CDH11: variants seen among roughly 807,000 people sequenced by gnomAD.
CDH11 encodes the protein cadherin 11.
A neutral mutation model predicts 67.8 loss-of-function variants in CDH11; 11 were observed. The ratio of observed to expected loss-of-function variants is 0.16; its 90% CI spans 0.10 to 0.27. The LOEUF is 0.27. CDH11 is among the 10% of genes least tolerant of loss of function. The pLI, the probability that CDH11 is intolerant of heterozygous loss-of-function variation, is 1.00. For missense variants in CDH11, 847 were observed against 1,031.2 expected, an observed-to-expected ratio of 0.82 and a Z score of 2.45; for synonymous variants, 419 against 400.0, an observed-to-expected ratio of 1.05 and a Z score of -0.57.
At chr16:65,074,507 A>G (rs1162787363) in intron 1 of CDH11, among the ~76,000 whole-genome samples, 1 of 152,182 alleles carries the variant, frequency 6.6e-6, no homozygotes, top group Non-Finnish European at 1.5e-5. Context: ...TAATTCATAT[A>G]TATATACACA....
chr16:65,036,895 A>G (rs770655780), intron 2 of CDH11, among the ~76,000 whole-genome samples: 3 of 152,184 alleles, frequency 2.0e-5, no homozygotes, highest in Non-Finnish European at 4.4e-5. Flanking sequence ...AAAATAAGAA[A>G]TTTTGAGATG....
At chr16:64,953,161 C>T (rs2071408537) in intron 11 of CDH11, among the ~76,000 whole-genome samples, 2 of 151,858 alleles carry the variant, frequency 1.3e-5, no homozygotes, top group Admixed American at 6.6e-5. Context: ...CTGTTTTTCT[C>T]CCCAAATATA....
intron 12 of CDH11, among the ~76,000 whole-genome samples, chr16:64,948,972 C>T (rs1051293859): frequency 6.6e-6 from 1 of 152,216 alleles, no homozygotes; most frequent in Non-Finnish European, 1.5e-5. Context: ...CCCTCTGGCT[C>T]CACTACTGCT....
chr16:64,947,622 G>C lies in CDH11; in HGVS notation c.2372C>G (p.Thr791Ser), dbSNP rs748938746. ...KLADLYGSKD[T>S]FDDDS ...TTATTGTTAAGAATCGTCATCAAAAGTGTCTTTGGAACCATACAAATCTGC... is the reference window on the plus strand; with the variant it reads ...TTATTGTTAAGAATCGTCATCAAAACTGTCTTTGGAACCATACAAATCTGC... The change falls in exon 13 of 13, where the codon ACT (threonine) becomes AGT (serine). Residue 791 changes from threonine (T) to serine (S), a missense_variant. By Grantham distance (58) the Thr-to-Ser change is moderately conservative. Coordinates refer to ENST00000268603, the MANE Select transcript of CDH11 (RefSeq NM_001797.4). 1.9e-6 allele frequency: 3 copies of C among 1,607,822 alleles called. No homozygotes were observed. The highest frequency in any genetic ancestry group is 1.7e-5 in the Admixed American group (1 of 59,682).
At chr16:65,109,378 A>C (rs1407556703) in intron 1 of CDH11, among the ~76,000 whole-genome samples, 1 of 152,194 alleles carries the variant, frequency 6.6e-6, no homozygotes, top group Admixed American at 6.5e-5. Flanking sequence ...AAGGTGTATC[A>C]GAAAAGTTGT....
chr16:65,115,386 A>C (rs960118928), intron 1 of CDH11, among the ~76,000 whole-genome samples: 1 of 152,128 alleles, frequency 6.6e-6, no homozygotes, highest in African/African-American at 2.4e-5. Flanking sequence ...TCTAAAACAA[A>C]TGTTCAATGC....
chr16:65,123,708 G>A (rs1445359324), upstream of CDH11: 1 of 152,512 alleles, frequency 6.6e-6, no homozygotes, highest in East Asian at 2.0e-4. Flanking sequence ...TTTTCTTGAC[G>A]ACTCCAGGAT....
At chr16:65,007,095 C>G (rs1437075082) in intron 2 of CDH11, 1 of 152,176 alleles carries the variant, frequency 6.6e-6, no homozygotes, top group South Asian at 2.1e-4. Context: ...ATACCATAGC[C>G]ATCTGACCTC....
intron 11 of CDH11, among the ~76,000 whole-genome samples, chr16:64,952,405 A>T (rs938316155): frequency 6.6e-6 from 1 of 152,202 alleles, no homozygotes; most frequent in Non-Finnish European, 1.5e-5. Flanking sequence ...AACACAGCAG[A>T]CATTCAATAA....
chr16:65,064,889 G>A (rs990902014), intron 1 of CDH11, among the ~76,000 whole-genome samples: 3 of 152,326 alleles, frequency 2.0e-5, no homozygotes, highest in Non-Finnish European at 1.5e-5. Flanking sequence ...TGACTGAGAG[G>A]TGAGGAACAC....
chr16:65,027,594 G>A (rs2073559859), intron 2 of CDH11, among the ~76,000 whole-genome samples: 1 of 152,218 alleles, frequency 6.6e-6, no homozygotes, highest in Non-Finnish European at 1.5e-5. Flanking sequence ...CAGAGTTACT[G>A]TAAACCATGA....
At chr16:65,040,088 C>T (rs1433237884) in intron 2 of CDH11, among the ~76,000 whole-genome samples, 14 of 152,284 alleles carry the variant, frequency 9.2e-5, no homozygotes, top group Admixed American at 8.5e-4. Context: ...GAAATAGGAA[C>T]ACTTTTACAC....
chr16:64,997,300 A>AAAATAAAT (rs71143544), intron 4 of CDH11, among the ~76,000 whole-genome samples: 26,518 of 124,842 alleles, frequency 0.21, 3,217 homozygotes, highest in East Asian at 0.31. Flanking sequence ...ACTCTGTCTC[A>AAAATAAAT]AAATAAATAA....
At chr16:65,065,208 AACTAGGTTGAAG>A (rs967646594) in intron 1 of CDH11, among the ~76,000 whole-genome samples, 1 of 152,120 alleles carries the variant, frequency 6.6e-6, no homozygotes, top group Non-Finnish European at 1.5e-5. Context: ...TTCACAAAGA[AACTAGGTTGAAG>A]ACTCACCCGG....
intron 2 of CDH11, among the ~76,000 whole-genome samples, chr16:65,038,781 AATACAGC>A (rs113705631): frequency 0.011 from 1,659 of 152,274 alleles, 29 homozygotes; most frequent in African/African-American, 0.037. Flanking sequence ...TTGGGAAACA[AATACAGC>A]ATTCTTTATG....
intron 11 of CDH11, chr16:64,968,466 A>T (rs982323475): frequency 7.1e-6 from 7 of 984,616 alleles, no homozygotes; most frequent in Non-Finnish European, 8.4e-6. Flanking sequence ...CATCTGCCCA[A>T]ATAGCACCAT....
intron 6 of CDH11, among the ~76,000 whole-genome samples, chr16:64,988,801 G>A (rs973205599): frequency 2.6e-5 from 4 of 152,066 alleles, no homozygotes; most frequent in Admixed American, 6.6e-5. Flanking sequence ...CAGCTCCATA[G>A]TTACTTTAAA....
intron 8 of CDH11, among the ~76,000 whole-genome samples, chr16:64,973,749 T>A (rs376492733): frequency 6.6e-6 from 1 of 152,074 alleles, no homozygotes; most frequent in African/African-American, 2.4e-5. Flanking sequence ...GAGGCTGCAG[T>A]TAGCCAAGAT....
At chr16:65,035,014 C>A (rs2073723828) in intron 2 of CDH11, among the ~76,000 whole-genome samples, 1 of 152,194 alleles carries the variant, frequency 6.6e-6, no homozygotes, top group Non-Finnish European at 1.5e-5. Flanking sequence ...TTGGAACTGA[C>A]CCGAGAGGCC....
Sources: gnomAD v4.1 joint callset for allele counts (sites outside exome capture counted in the v4.1 genomes callset) on GRCh38, gnomAD v4.1.1 for gene constraint, MANE v1.5 for transcripts, NCBI Gene and HGNC (gene_info 2026-07-23, HGNC 2026-07-21) for gene names.